PARVB: variants seen among roughly 807,000 people sequenced by gnomAD.
PARVB encodes beta-parvin.
In PARVB, 46 loss-of-function variants were observed where a neutral mutation model predicts 47.0. That is an observed-to-expected ratio of 0.98 (90% CI 0.77 to 1.25). The LOEUF (loss-of-function observed/expected upper bound fraction) is 1.25, where lower values mean the gene tolerates loss of function less well. PARVB is among the 50% of genes most tolerant of loss of function. PARVB has a pLI of 0.00. For synonymous variants in PARVB, 196 were observed against 196.3 expected (o/e 1.00, Z 0.01); for missense variants, 473 against 471.6 (o/e 1.00, Z -0.03).
chr22:44,087,751 AGGTATAAATG>A, intron 1 of PARVB, among the ~76,000 whole-genome samples: 1 of 149,600 alleles, frequency 6.7e-6, no homozygotes, highest in Non-Finnish European at 1.5e-5. Context: ...ATTTGGCCTG[AGGTATAAATG>A]GCAGGCTTCT....
chr22:44,098,468 C>A (rs973479207), intron 2 of PARVB, among the ~76,000 whole-genome samples: 7 of 152,086 alleles, frequency 4.6e-5, no homozygotes, highest in African/African-American at 1.4e-4. Flanking sequence ...AGGCTCAGGG[C>A]AGGTGGCAGC....
At chr22:44,097,968 A>G (rs1300373720) in intron 2 of PARVB, among the ~76,000 whole-genome samples, 1 of 152,116 alleles carries the variant, frequency 6.6e-6, no homozygotes, top group Non-Finnish European at 1.5e-5. Flanking sequence ...CCGAGCCACC[A>G]TGGCATGCTG....
Position 44,172,836 on chromosome 22 carries a change from C to T in PARVB, c.*4158C>T. 1 of 634,794 alleles carries T rather than the reference C, an allele frequency of 1.6e-6. No individual in the cohort carries two copies. The allele number at this position is 634,794 out of a possible 1,614,324, so 39.3% of individuals were successfully genotyped here. On this transcript the variant is annotated 3_prime_UTR_variant, in exon 13 of 13. Coordinates refer to ENST00000338758, the MANE Select transcript of PARVB (RefSeq NM_013327.5). ...GAAGCAAGCGCTTTTCAGGAGCTCA[C>T]TGCAACACCGGGCAAACACTTCTTC...
At chr22:44,154,499 G>GGT (rs3053820) in intron 10 of PARVB, among the ~76,000 whole-genome samples, 6,069 of 149,048 alleles carry the variant, frequency 0.041, 358 homozygotes, top group African/African-American at 0.13. Flanking sequence ...GTCTGTTGGG[G>GGT]GTGTGTGTGT....
chr22:44,039,716 G>C (rs2050984200), intron 1 of PARVB: 1 of 382,430 alleles, frequency 2.6e-6, no homozygotes, highest in African/African-American at 2.1e-5. Context: ...GCAGTGTCAA[G>C]GAACAAGGTG....
At chr22:44,146,217 C>T (rs879702655) in intron 8 of PARVB, 1 of 135,858 alleles carries the variant, frequency 7.4e-6, no homozygotes, top group Non-Finnish European at 1.6e-5. Flanking sequence ...CACACATGCT[C>T]ACACATGGAC....
chr22:44,142,143 C>T (rs8137363), intron 8 of PARVB: 7,536 of 151,758 alleles, frequency 0.05, 636 homozygotes, highest in African/African-American at 0.17. Flanking sequence ...TTTGAGAGGC[C>T]GAGGTGGATG....
At chr22:44,086,741 T>C (rs536530361) in intron 1 of PARVB, 1 of 985,424 alleles carries the variant, frequency 1.0e-6, no homozygotes, top group East Asian at 1.1e-4. Context: ...AAAACTGCTC[T>C]GTTAAGAAGA....
chr22:44,088,090 C>T (rs1414230103), intron 1 of PARVB, among the ~76,000 whole-genome samples: 1 of 152,068 alleles, frequency 6.6e-6, no homozygotes, highest in East Asian at 1.9e-4. Context: ...AGCAGCTTGC[C>T]CAAGGTCACA....
intron 2 of PARVB, among the ~76,000 whole-genome samples, chr22:44,098,385 G>A (rs1218587442): frequency 6.6e-6 from 1 of 152,156 alleles, no homozygotes; most frequent in Non-Finnish European, 1.5e-5. Flanking sequence ...GATCTCAGCT[G>A]GGGAGCTGAG....
chr22:44,043,987 G>A (rs375191869), intron 1 of PARVB, among the ~76,000 whole-genome samples: 6 of 152,124 alleles, frequency 3.9e-5, no homozygotes, highest in South Asian at 2.1e-4. Context: ...GGTGCTGTAC[G>A]CAGATTGTCT....
At chr22:44,164,392 G>A (rs893962985) in intron 12 of PARVB, among the ~76,000 whole-genome samples, 1 of 134,802 alleles carries the variant, frequency 7.4e-6, no homozygotes, top group South Asian at 2.4e-4. Context: ...GAGCTGGGGC[G>A]GGCGGTTGCT....
intron 4 of PARVB, 88 bp downstream of exon 4, chr22:44,119,228 C>T (rs576870561): frequency 1.1e-5 from 10 of 892,896 alleles, no homozygotes; most frequent in Admixed American, 3.5e-5. Context: ...ATAGTGACAT[C>T]GGCCACAGGT....
intron 4 of PARVB, among the ~76,000 whole-genome samples, chr22:44,121,838 C>T (rs762410217): frequency 1.3e-5 from 2 of 152,182 alleles, no homozygotes; most frequent in Non-Finnish European, 2.9e-5. Context: ...CCAGGGAGAA[C>T]CTTGGTTCCA....
intron 12 of PARVB, among the ~76,000 whole-genome samples, chr22:44,167,736 G>T (rs1310057404): frequency 1.3e-5 from 1 of 74,186 alleles, no homozygotes; most frequent in Non-Finnish European, 3.1e-5. Context: ...CCCCGACAGA[G>T]CCCCGGGTGT....
chr22:44,028,651 C>T (rs973892281), intron 1 of PARVB, among the ~76,000 whole-genome samples: 1 of 152,192 alleles, frequency 6.6e-6, no homozygotes, highest in Non-Finnish European at 1.5e-5. Flanking sequence ...GGTTTTAATT[C>T]ATTTGAGCTC....
rs1333611766 is a variant in PARVB at position 44,103,316 on chromosome 22, G to A, written c.273+3193G>A. The A allele has an allele frequency of 6.6e-6, 1 of 152,226 alleles. No individual in the cohort carries two copies. The highest frequency in any genetic ancestry group is 1.5e-5 in the Non-Finnish European group (1 of 68,050). The allele number at this position is 152,226 out of a possible 1,614,324, so 9.4% of individuals were successfully genotyped here. A position where few individuals can be genotyped will look rare whatever the true frequency, so the allele number is the denominator to read the frequency against. On this transcript the variant is annotated intron_variant, in intron 3 of 12. Coordinates refer to ENST00000338758, the MANE Select transcript of PARVB (RefSeq NM_013327.5). This position sits in a 1 kb window ranked among gnomAD's most constrained non-coding sequence, Gnocchi z 4.6. Reference sequence around the variant, plus strand: ...TGCCTCTCCCCGACTTCCCTGATGTGGGCTTCTGAGACCATGGCTCATGGA... The same window carrying A: ...TGCCTCTCCCCGACTTCCCTGATGTAGGCTTCTGAGACCATGGCTCATGGA...
chr22:44,081,098 C>T (rs950584206), intron 1 of PARVB, among the ~76,000 whole-genome samples: 9 of 152,164 alleles, frequency 5.9e-5, no homozygotes, highest in African/African-American at 9.7e-5. Context: ...CCCTGTGGGC[C>T]GTGAAGGCCT....
chr22:44,075,305 A>G (rs985241793), intron 1 of PARVB, among the ~76,000 whole-genome samples: 15 of 152,200 alleles, frequency 9.9e-5, no homozygotes, highest in African/African-American at 3.4e-4. Flanking sequence ...CCCTGAAGGG[A>G]CTAGACTATT....
Sources: gnomAD v4.1 joint callset for allele counts (sites outside exome capture counted in the v4.1 genomes callset) on GRCh38, gnomAD v4.1.1 for gene constraint, Gnocchi (gnomAD v3.1) non-coding constraint, MANE v1.5 for transcripts, NCBI Gene and HGNC (gene_info 2026-07-23, HGNC 2026-07-21) for gene names.